Variants in TEP1 observed in about 807,000 individuals in gnomAD.
TEP1 encodes the protein telomerase associated protein 1.
TEP1 carries 241 observed loss-of-function variants against 306.3 expected under a neutral mutation model. The observed-to-expected ratio is 0.79, with a 90% CI of 0.71 to 0.88. The LOEUF is 0.88. Among genes scored for constraint, TEP1 ranks in the 40% least tolerant of loss-of-function variants. The pLI, the probability that TEP1 is intolerant of heterozygous loss-of-function variation, is 0.00. For missense variants in TEP1, 3,051 were observed against 3,276.1 expected (o/e 0.93, Z 1.68); for synonymous variants, 1,289 against 1,305.5 (o/e 0.99, Z 0.27).
In TEP1 at chr14:20,371,269, C is replaced by T. The variant is rs756103661; in HGVS notation, c.7266G>A (p.Glu2422=). The change falls in exon 51 of 55, where the codon GAG becomes GAA. Residue 2422 remains glutamate (E), a synonymous_variant. Coordinates refer to ENST00000262715, the MANE Select transcript of TEP1 (RefSeq NM_007110.5). The part of the protein sequence containing the change: ...ENPMILSTHK[E]YGIFVLQPKD... ...TGGGCTGCAGGACAAATATGCCATA[C>T]TCCTTGTGGGTGGACAATATCATAG... 2.5e-6 allele frequency: 4 copies of T among 1,614,086 alleles called. No homozygotes were observed. The African/African-American group carries it at 4.0e-5, about 16-fold the overall frequency.
chr14:20,400,397 G>A (rs1878578810), intron 9 of TEP1, among the ~76,000 whole-genome samples: 1 of 149,950 alleles, frequency 6.7e-6, no homozygotes, highest in Non-Finnish European at 1.5e-5. Flanking sequence ...ACCAGCCTGG[G>A]CAACATTACA....
chr14:20,384,706 G>A lies in TEP1; in HGVS notation c.3115C>T (p.Pro1039Ser). The change falls in exon 22 of 55, where the codon CCA becomes TCA. Residue 1039 changes from proline (P) to serine (S), a missense_variant. Physicochemically the swap from Pro to Ser is moderately conservative, Grantham distance 74. Transcript: ENST00000262715. ...ACAAAGTCAGATTTCCAGGCATCTGGCACAGAGCTGACCACCAAAGACCCC... is the reference window on the plus strand; with the variant it reads ...ACAAAGTCAGATTTCCAGGCATCTGACACAGAGCTGACCACCAAAGACCCC... ...FRDSSFLSSV[P>S]DAWKSDFVSE... 6.2e-7 allele frequency: 1 copy of A among 1,610,166 alleles called. No homozygotes were observed.
Position 20,395,540 on chromosome 14 carries a change from T to C in TEP1, c.1838A>G (p.His613Arg). 1.2e-6 allele frequency: 2 copies of C among 1,613,844 alleles called. No homozygotes were observed. The highest frequency in any genetic ancestry group is 1.7e-6 in the Non-Finnish European group (2 of 1,179,778). ...CATCCGAAGCTGCTGACGGCTTAGG[T>C]GGCAAAGAAACCTCCGCCTGGGACG... is the stretch of plus-strand genomic sequence containing the variant. ...KNRPRRRFLC[H>R]LSRQQLRMAM... The change falls in exon 12 of 55, where the codon CAC becomes CGC. Residue 613 changes from histidine to arginine, a missense_variant. Physicochemically the swap from His to Arg is conservative, Grantham distance 29 (BLOSUM62 0). This residue lies in a region of TEP1 where 1,507 missense variants were observed against 1,550.5 expected (regional missense o/e 0.97). Transcript: ENST00000262715.
intron 51 of TEP1, among the ~76,000 whole-genome samples, chr14:20,370,441 A>G (rs1032928313): frequency 1.3e-5 from 2 of 152,212 alleles, no homozygotes; most frequent in African/African-American, 4.8e-5. Flanking sequence ...AGGTGAAATC[A>G]TATAGTATGT....
chr14:20,372,860 G>A lies in TEP1; in HGVS notation c.6952-3C>T, dbSNP rs772871734. The A allele has an allele frequency of 1.2e-6, 2 of 1,614,108 alleles. No individual in the cohort carries two copies. The highest frequency in any genetic ancestry group is 2.2e-5 in the East Asian group (1 of 44,886). On this transcript the variant is annotated splice_region_variant and splice_polypyrimidine_tract_variant and intron_variant, in intron 48 of 54. Transcript: ENST00000262715. ...AGAGCACCAATGTGGCCTGGAGCCTGGTGTACACAACAAGTTCAATTCAGT... is the reference window on the plus strand; with the variant it reads ...AGAGCACCAATGTGGCCTGGAGCCTAGTGTACACAACAAGTTCAATTCAGT...
chr14:20,380,090 G>A (rs199624383), intron 34 of TEP1, 37 bp from the exon 35 acceptor site: 13 of 1,600,080 alleles, frequency 8.1e-6, no homozygotes, highest in Middle Eastern at 1.7e-4. Flanking sequence ...GGAAATAAAC[G>A]AGAGAATGCA....
At position 20,383,779 on chromosome 14, in the gene TEP1, T is replaced by G. The variant is rs1876829347; in HGVS notation, c.3674A>C (p.Gln1225Pro). The change falls in exon 25 of 55, where the codon CAA becomes CCA. Residue 1225 changes from glutamine to proline, a missense_variant. By Grantham distance (76) the Gln-to-Pro change is moderately conservative. Around this residue, in one of 3 missense-constraint regions of TEP1, gnomAD observed 1,507 missense variants for 1,550.5 expected, o/e 0.97. Coordinates refer to ENST00000262715, the MANE Select transcript of TEP1 (RefSeq NM_007110.5). ...GGGGAGGGCACCTGGCTCTTTTAGT[T>G]GGCCACGCAGATAGGTACAGAGGCG... Reference protein sequence around the residue: ...LRRLCTYLRGQLKEPGALPST... With the variant: ...LRRLCTYLRGPLKEPGALPST... 13 of 1,611,424 alleles carry G rather than the reference T, an allele frequency of 8.1e-6. No homozygotes were observed. Among genetic ancestry groups the G allele is most frequent in the Non-Finnish European group, 1.0e-5 (12 of 1,179,396 alleles).
At position 20,391,737 on chromosome 14, in the gene TEP1, G is replaced by A; in HGVS notation, c.1959C>T (p.Asn653=). The change falls in exon 13 of 55, where the codon AAC becomes AAT. Residue 653 remains asparagine (N), a synonymous_variant. Coordinates refer to ENST00000262715, the MANE Select transcript of TEP1 (RefSeq NM_007110.5). The part of the protein sequence containing the change: ...RQWKYDGEML[N]RYRQALETAV... ...CTGTCTCTAGGGCCTGTCGGTACCT[G>A]TTCAGCATCTCACCATCATATTTCC... 6.2e-7 allele frequency: 1 copy of A among 1,614,172 alleles called. No individual in the cohort carries two copies. The highest frequency in any genetic ancestry group is 8.5e-7 in the Non-Finnish European group (1 of 1,180,022).
In TEP1 at chr14:20,383,226, T is replaced by A. The variant is rs1876754633; in HGVS notation, c.3995A>T (p.Glu1332Val). Residue 1332 changes from glutamate to valine, a missense_variant, in exon 27 of 55, where the codon GAG becomes GTG. Transcript: ENST00000262715. ...EASARARLVR[E>V]ELALYGKRLE... ...CCGCTTCCCGTACAGGGCCAGCTCC[T>A]CTCTCACCAGCCGGGCCCGAGCAGA... The A allele has an allele frequency of 4.3e-6, 7 of 1,613,848 alleles. No individual in the cohort carries two copies. The highest frequency in any genetic ancestry group is 5.9e-6 in the Non-Finnish European group (7 of 1,179,928).
At chr14:20,413,367 C>G (rs533431433) in intron 1 of TEP1, 38 bp downstream of exon 1, 1 of 152,472 alleles carries the variant, frequency 6.6e-6, no homozygotes, top group African/African-American at 2.4e-5. Context: ...CGCTCGGACC[C>G]TACCTTAGAC....
At chr14:20,399,591 A>G (rs1398972368) in intron 9 of TEP1, among the ~76,000 whole-genome samples, 1 of 147,530 alleles carries the variant, frequency 6.8e-6, no homozygotes, top group African/African-American at 2.5e-5. Flanking sequence ...AATCCCAGCA[A>G]TTGGAGACCA....
chr14:20,381,335 A>G lies in TEP1; in HGVS notation c.4625T>C (p.Leu1542Pro), dbSNP rs200169501. 7.6e-5 allele frequency: 123 copies of G among 1,614,106 alleles called. No individual in the cohort carries two copies. The highest frequency in any genetic ancestry group is 6.0e-5 in the Non-Finnish European group (71 of 1,180,032). Reference protein sequence around the residue: ...GTFRSCPPEALGDLPYHLLQS... With the variant: ...GTFRSCPPEAPGDLPYHLLQS... ...AACCAGGTGGTAAGGCAGGTCTCCC[A>G]GAGCCTCAGGAGGGCAACTTCGGAA... Residue 1542 changes from leucine (L) to proline (P), a missense_variant, in exon 32 of 55, where the codon CTG becomes CCG. Leu to Pro is a moderately conservative substitution (Grantham distance 98, BLOSUM62 -3). Transcript: ENST00000262715. The surrounding 1 kb of genome is among the most constrained non-coding windows in gnomAD (Gnocchi z 4.0).
At chr14:20,391,849 A>G (rs1298701681) in intron 12 of TEP1, 82 bp from the exon 13 acceptor site, 2 of 1,498,330 alleles carry the variant, frequency 1.3e-6, no homozygotes, top group Admixed American at 1.8e-5. Context: ...AGAAGTTGCC[A>G]CTAAGTATTG....
chr14:20,374,654 G>C (rs947687629), intron 43 of TEP1, 118 bp from the exon 44 acceptor site: 13 of 629,372 alleles, frequency 2.1e-5, no homozygotes, highest in Non-Finnish European at 3.3e-5. Context: ...GTTCTCCTGG[G>C]TTCAAATCCT....
In TEP1 at chr14:20,410,020, C is replaced by CAAAA. The variant is rs570672845; in HGVS notation, c.-24-1561_-24-1558dup. ...TGGGCGACAGAGCAAGACTCTGTCT[C>CAAAA]AAAAAAAAAAAAAAAAAAAAAAAAA... is the stretch of plus-strand genomic sequence containing the variant. On this transcript the variant is annotated intron_variant, in intron 1 of 54. Transcript: ENST00000262715. Among the ~76,000 whole-genome samples, 13 of 58,956 alleles carry CAAAA rather than the reference C, an allele frequency of 2.2e-4. 1 individual carries two copies. The highest frequency in any genetic ancestry group is 3.3e-4 in the African/African-American group (5 of 14,968). 38.7% of individuals were successfully genotyped at this position (58,956 alleles called of 152,430 possible).
chr14:20,395,378 C>T, intron 12 of TEP1, 72 bp downstream of exon 12: 2 of 1,430,104 alleles, frequency 1.4e-6, no homozygotes, highest in South Asian at 1.6e-5. Context: ...GTTGGGATTC[C>T]CAGATGACTT....
rs1336796428 is a variant in TEP1, at chr14:20,381,729, T to G, written c.4425-43A>C. 1.9e-6 allele frequency: 3 copies of G among 1,552,298 alleles called. No individual in the cohort carries two copies. Among genetic ancestry groups the G allele is most frequent in the Non-Finnish European group, 2.6e-6 (3 of 1,152,300 alleles). On this transcript the variant is annotated intron_variant, in intron 30 of 54. Coordinates refer to ENST00000262715, the MANE Select transcript of TEP1 (RefSeq NM_007110.5). The surrounding 1 kb of genome is among the most constrained non-coding windows in gnomAD (Gnocchi z 4.0). ...AGGGAGAGAGAAGAAGGAAGAGGCC[T>G]GTCAGTGAGCTTCCTGGCACACAGT... is the stretch of plus-strand genomic sequence containing the variant.
chr14:20,368,376 A>C lies in TEP1; in HGVS notation c.*61T>G. On this transcript the variant is annotated 3_prime_UTR_variant, in exon 55 of 55. Coordinates refer to ENST00000262715, the MANE Select transcript of TEP1 (RefSeq NM_007110.5). ...AATTTTATAATTATTAAAAGCTACC[A>C]GTGTCTTCAGGCTTTGCATCTCTAG... 7.1e-6 allele frequency: 11 copies of C among 1,544,392 alleles called. No homozygotes were observed. The highest frequency in any genetic ancestry group is 1.8e-5 in the Admixed American group (1 of 55,294).
chr14:20,379,825 T>C, intron 35 of TEP1, 105 bp downstream of exon 35: 3 of 1,440,148 alleles, frequency 2.1e-6, no homozygotes. Flanking sequence ...GTAAAGTTGC[T>C]GAATTAATCA....
Sources: gnomAD v4.1 joint callset for allele counts (sites outside exome capture counted in the v4.1 genomes callset) on GRCh38, gnomAD v4.1.1 for gene constraint, gnomAD v4.1.1 regional missense constraint, Gnocchi (gnomAD v3.1) non-coding constraint, MANE v1.5 for transcripts, NCBI Gene and HGNC (gene_info 2026-07-23, HGNC 2026-07-21) for gene names.